XYLB: variants seen among roughly 807,000 people sequenced by gnomAD.
XYLB encodes the protein xylulokinase.
In XYLB, 62 loss-of-function variants were observed where a neutral mutation model predicts 78.7. That is an observed-to-expected ratio of 0.79 (90% CI 0.64 to 0.97). The LOEUF is 0.97. Among genes scored for constraint, XYLB ranks in the 50% least tolerant of loss-of-function variants. The probability of loss-of-function intolerance (pLI) is 0.00; values close to 1 mark genes in which losing one functional copy is unlikely to be tolerated. For missense variants in XYLB, 687 were observed against 676.8 expected (o/e 1.02, Z -0.17); for synonymous variants, 245 against 247.4 (o/e 0.99, Z 0.09).
At chr3:38,403,409 G>A (rs1372016716) in intron 18 of XYLB, among the ~76,000 whole-genome samples, 1 of 152,190 alleles carries the variant, frequency 6.6e-6, no homozygotes, top group African/African-American at 2.4e-5. Context: ...GTATGCAAAG[G>A]TATACATGGC....
At chr3:38,410,646 G>C (rs1708538472) in intron 18 of XYLB, among the ~76,000 whole-genome samples, 1 of 152,078 alleles carries the variant, frequency 6.6e-6, no homozygotes, top group African/African-American at 2.4e-5. Context: ...CTGACAAAGG[G>C]CTAATATCCA....
the XYLB span, among the ~76,000 whole-genome samples, chr3:38,444,975 C>T: frequency 1.3e-5 from 2 of 152,036 alleles, no homozygotes; most frequent in Non-Finnish European, 2.9e-5. Flanking sequence ...AACCTGCACC[C>T]TTGCCTTCCC....
the XYLB span, chr3:38,451,958 T>G: frequency 6.6e-6 from 1 of 152,062 alleles, no homozygotes; most frequent in Non-Finnish European, 1.5e-5. Flanking sequence ...TGGTATGGAG[T>G]AGAAGAGAGG....
Position 38,376,134 on chromosome 3 carries a change from T to C in XYLB, c.1022T>C (p.Leu341Pro), listed in dbSNP as rs1275097314. 2.5e-6 allele frequency: 4 copies of C among 1,613,676 alleles called. No homozygotes were observed. Among genetic ancestry groups the C allele is most frequent in the Non-Finnish European group, 2.5e-6 (3 of 1,179,746 alleles). The change falls in exon 13 of 19, where the codon CTC (leucine) becomes CCC (proline). Residue 341 changes from leucine (L) to proline (P), a missense_variant. Leu to Pro is a moderately conservative substitution (Grantham distance 98). Transcript: ENST00000207870. The part of the protein sequence containing the change: ...MALLCFKNGS[L>P]MREKIRNESV... ...TTCTGCAGCTTTAAAAATGGCTCCCTCATGAGAGAGAAGATCCGCAACGAG... is the reference window on the plus strand; with the variant it reads ...TTCTGCAGCTTTAAAAATGGCTCCCCCATGAGAGAGAAGATCCGCAACGAG...
At chr3:38,419,533 G>A (rs1359905691), downstream of XYLB, among the ~76,000 whole-genome samples, 1 of 136,152 alleles carries the variant, frequency 7.3e-6, no homozygotes, top group African/African-American at 2.6e-5. Flanking sequence ...GTAATGCACA[G>A]GGATCTAGTT....
At chr3:38,388,691 A>G (rs914384208) in intron 15 of XYLB, among the ~76,000 whole-genome samples, 18 of 152,284 alleles carry the variant, frequency 1.2e-4, no homozygotes, top group African/African-American at 4.3e-4. Flanking sequence ...ATTTTTAGCA[A>G]TTGTTATGTT....
intron 10 of XYLB, among the ~76,000 whole-genome samples, 174 bp downstream of exon 10, chr3:38,372,910 T>G (rs564983394): frequency 6.6e-6 from 1 of 152,074 alleles, no homozygotes; most frequent in East Asian, 1.9e-4. Context: ...CCTTCTGTGG[T>G]CATTCCTCAC....
At chr3:38,443,248 G>A in the XYLB span, among the ~76,000 whole-genome samples, 1 of 152,112 alleles carries the variant, frequency 6.6e-6, no homozygotes, top group Non-Finnish European at 1.5e-5. Context: ...ATGTACCTGG[G>A]GCTCAGTGAG....
At chr3:38,400,395 G>C (rs1290621516) in intron 17 of XYLB, among the ~76,000 whole-genome samples, 1 of 152,214 alleles carries the variant, frequency 6.6e-6, no homozygotes, top group African/African-American at 2.4e-5. Flanking sequence ...TCCTGAGCAA[G>C]TGATGGTCTT....
intron 18 of XYLB, among the ~76,000 whole-genome samples, chr3:38,405,540 G>C (rs1184341586): frequency 1.3e-5 from 2 of 152,252 alleles, no homozygotes. Flanking sequence ...GCACAGGACA[G>C]TGGGTGCAGT....
At chr3:38,368,918 T>A (rs1018431033) in intron 8 of XYLB, among the ~76,000 whole-genome samples, 1 of 152,186 alleles carries the variant, frequency 6.6e-6, no homozygotes, top group African/African-American at 2.4e-5. Flanking sequence ...TTTGGTGAAC[T>A]CATGAGATTT....
At chr3:38,449,089 TC>T in the XYLB span, among the ~76,000 whole-genome samples, 1 of 152,126 alleles carries the variant, frequency 6.6e-6, no homozygotes, top group Non-Finnish European at 1.5e-5. Context: ...TCTGTGTTTT[TC>T]ATTTTTATTT....
At chr3:38,409,421 G>A (rs902668711) in intron 18 of XYLB, among the ~76,000 whole-genome samples, 3 of 152,158 alleles carry the variant, frequency 2.0e-5, no homozygotes, top group African/African-American at 7.2e-5. Context: ...CAAACCCACA[G>A]CCAATATCAT....
chr3:38,352,615 T>C (rs550201824), intron 2 of XYLB, among the ~76,000 whole-genome samples: 34 of 152,246 alleles, frequency 2.2e-4, no homozygotes, highest in African/African-American at 7.5e-4. Context: ...AAGACCAGCC[T>C]AGGCAATATG....
chr3:38,360,715 C>A (rs1357422591), intron 3 of XYLB, among the ~76,000 whole-genome samples: 1 of 152,230 alleles, frequency 6.6e-6, no homozygotes, highest in Non-Finnish European at 1.5e-5. Flanking sequence ...CAGTCAGGCC[C>A]TGTGGCCTCC....
In XYLB at chr3:38,414,193, A is replaced by C. The variant is rs1378201247; in HGVS notation, c.*1180A>C. 6 of 152,310 alleles carry C rather than the reference A, an allele frequency of 3.9e-5. No individual in the cohort carries two copies. The highest frequency in any genetic ancestry group is 1.4e-4 in the African/African-American group (6 of 41,564). The allele number at this position is 152,310 out of a possible 1,614,324, so 9.4% of individuals were successfully genotyped here. A position where few individuals can be genotyped will look rare whatever the true frequency, so the allele number is the denominator to read the frequency against. ...CACCCAGAGTGACAAAATCCTGCAG[A>C]TAGGTTTAAGACCTAGTGGCTCAGA... On this transcript the variant is annotated 3_prime_UTR_variant, in exon 19 of 19. Coordinates refer to ENST00000207870, the MANE Select transcript of XYLB (RefSeq NM_005108.4).
chr3:38,390,995 G>A (rs548857738), intron 15 of XYLB, among the ~76,000 whole-genome samples: 41 of 152,206 alleles, frequency 2.7e-4, no homozygotes, highest in Non-Finnish European at 5.1e-4. Context: ...CGATACAGGC[G>A]GATCGCTTGA....
intron 6 of XYLB, 51 bp from the exon 7 acceptor site, chr3:38,366,757 G>A (rs704946): frequency 0.94 from 1,176,749 of 1,256,904 alleles, 552,448 homozygotes; most frequent in East Asian, 1. Flanking sequence ...GGAGGTAATT[G>A]TTCATTCTGT....
chr3:38,408,818 C>T (rs1327049111), intron 18 of XYLB, among the ~76,000 whole-genome samples: 13 of 149,418 alleles, frequency 8.7e-5, no homozygotes, highest in East Asian at 3.9e-4. Context: ...CACATACACC[C>T]TCCCAAGACT....
Sources: gnomAD v4.1 joint callset for allele counts (sites outside exome capture counted in the v4.1 genomes callset) on GRCh38, gnomAD v4.1.1 for gene constraint, MANE v1.5 for transcripts, NCBI Gene and HGNC (gene_info 2026-07-23, HGNC 2026-07-21) for gene names.